The following RBMS3 variants were observed in gnomAD, a reference collection of about 807,000 sequenced individuals.
RBMS3 encodes RNA binding motif single stranded interacting protein 3, also known as RNA-binding motif, single-stranded-interacting protein 3.
A neutral mutation model predicts 66.8 loss-of-function variants in RBMS3; 27 were observed. The observed-to-expected ratio is 0.40, with a 90% confidence interval of 0.30 to 0.56. The LOEUF is 0.56. Ranked by LOEUF, RBMS3 falls within the 20% of genes least tolerant of loss-of-function variation. The pLI, the probability that RBMS3 is intolerant of heterozygous loss-of-function variation, is 0.40. For missense variants in RBMS3, 513 were observed against 549.5 expected (o/e 0.93, Z 0.66); for synonymous variants, 188 against 183.0 (o/e 1.03, Z -0.22).
chr3:29,744,585 C>T (rs1403828020), intron 5 of RBMS3, among the ~76,000 whole-genome samples: 1 of 152,100 alleles, frequency 6.6e-6, no homozygotes, highest in Non-Finnish European at 1.5e-5. Context: ...AGTTCGAGGC[C>T]AGCCTGGCCA....
intron 10 of RBMS3, among the ~76,000 whole-genome samples, chr3:29,930,102 T>C (rs1296469000): frequency 1.7e-5 from 1 of 58,528 alleles, no homozygotes; most frequent in Admixed American, 1.7e-4. Context: ...GTCACTTTTC[T>C]TTCTTTCTTT....
At chr3:29,412,761 C>A (rs542033098) in intron 1 of RBMS3, among the ~76,000 whole-genome samples, 5 of 152,234 alleles carry the variant, frequency 3.3e-5, no homozygotes, top group African/African-American at 9.6e-5. Flanking sequence ...ATGTTTATCA[C>A]CAGCAGGGAC....
At chr3:29,541,219 A>C (rs929513174) in intron 3 of RBMS3, among the ~76,000 whole-genome samples, 2 of 152,186 alleles carry the variant, frequency 1.3e-5, no homozygotes, top group East Asian at 3.9e-4. Flanking sequence ...TTCGGAGCTC[A>C]GACTTCTCCC....
chr3:29,674,144 G>A (rs2051131405), intron 4 of RBMS3, among the ~76,000 whole-genome samples: 1 of 152,022 alleles, frequency 6.6e-6, no homozygotes, highest in South Asian at 2.1e-4. Context: ...CAGAACCAAA[G>A]ACAAAAACCA....
intron 6 of RBMS3, among the ~76,000 whole-genome samples, chr3:29,825,131 C>T (rs1396297247): frequency 1.3e-5 from 2 of 151,434 alleles, no homozygotes; most frequent in East Asian, 3.9e-4. Context: ...TACCTCGCAG[C>T]TTCAAGCAAT....
At chr3:29,319,504 G>A (rs1045307885) in intron 1 of RBMS3, among the ~76,000 whole-genome samples, 10 of 151,944 alleles carry the variant, frequency 6.6e-5, no homozygotes, top group African/African-American at 2.4e-4. Context: ...CGTAAGGGAG[G>A]CATAAGCGAA....
At chr3:29,438,922 A>AT (rs1206886615) in intron 2 of RBMS3, among the ~76,000 whole-genome samples, 1 of 152,198 alleles carries the variant, frequency 6.6e-6, no homozygotes, top group Non-Finnish European at 1.5e-5. Context: ...ATACTAACAG[A>AT]TTTTTTAGCA....
At chr3:29,799,152 T>C (rs1054347600) in intron 6 of RBMS3, among the ~76,000 whole-genome samples, 1 of 152,162 alleles carries the variant, frequency 6.6e-6, no homozygotes, top group Non-Finnish European at 1.5e-5. Flanking sequence ...GTTGACCTAA[T>C]GCTAAACTAA....
intron 1 of RBMS3, among the ~76,000 whole-genome samples, chr3:29,417,314 A>T (rs896926448): frequency 6.6e-6 from 1 of 152,024 alleles, no homozygotes; most frequent in South Asian, 2.1e-4. Context: ...TTAAGGCACA[A>T]CAAGACCTGA....
chr3:29,629,606 A>G lies in RBMS3; in HGVS notation c.399+42401A>G, dbSNP rs7616208. 1.5e-3 allele frequency among the ~76,000 whole-genome samples: 232 copies of G among 152,238 alleles called. 1 individual carries two copies. Among genetic ancestry groups the G allele is most frequent in the African/African-American group, 4.9e-3 (202 of 41,572 alleles). On this transcript the variant is annotated intron_variant, in intron 4 of 14. Transcript: ENST00000383767. ...ATAGCATGGTTTTTAAATACAGTTT[A>G]TCTAACAGGGAACTCATCCATAGTT... is the stretch of plus-strand genomic sequence containing the variant.
intron 4 of RBMS3, among the ~76,000 whole-genome samples, chr3:29,663,102 T>A (rs1181102452): frequency 6.6e-6 from 1 of 152,170 alleles, no homozygotes; most frequent in African/African-American, 2.4e-5. Flanking sequence ...ACAATGTCAG[T>A]CATACAATGC....
chr3:29,390,697 G>C (rs532452282), intron 1 of RBMS3, among the ~76,000 whole-genome samples: 16 of 152,258 alleles, frequency 1.1e-4, no homozygotes, highest in African/African-American at 3.9e-4. Flanking sequence ...CTTTAAACTA[G>C]CATTTCCCAA....
intron 6 of RBMS3, among the ~76,000 whole-genome samples, chr3:29,791,647 A>G: frequency 6.6e-6 from 1 of 152,194 alleles, no homozygotes; most frequent in Non-Finnish European, 1.5e-5. Context: ...ACCGATCATT[A>G]AGTGACTAAA....
chr3:29,398,051 G>A (rs1448048463), intron 1 of RBMS3, among the ~76,000 whole-genome samples: 1 of 152,130 alleles, frequency 6.6e-6, no homozygotes, highest in Non-Finnish European at 1.5e-5. Flanking sequence ...GCTACTCTCA[G>A]TGCTGTTAGT....
intron 4 of RBMS3, among the ~76,000 whole-genome samples, chr3:29,688,318 C>T (rs1327952098): frequency 6.6e-6 from 1 of 151,982 alleles, no homozygotes; most frequent in Non-Finnish European, 1.5e-5. Context: ...AAATACTTAT[C>T]GCAAGTTGAA....
chr3:29,841,835 G>C (rs1030695191), intron 6 of RBMS3, among the ~76,000 whole-genome samples: 2 of 151,990 alleles, frequency 1.3e-5, no homozygotes, highest in Non-Finnish European at 2.9e-5. Context: ...ATTGTCCTGA[G>C]GCAAAATTTG....
At chr3:29,578,340 T>C (rs1159220367) in intron 3 of RBMS3, among the ~76,000 whole-genome samples, 1 of 152,190 alleles carries the variant, frequency 6.6e-6, no homozygotes, top group Non-Finnish European at 1.5e-5. Flanking sequence ...TTTGTTACTC[T>C]CGATTGTGCA....
chr3:29,843,615 A>G (rs1436355917), intron 6 of RBMS3, among the ~76,000 whole-genome samples: 1 of 152,172 alleles, frequency 6.6e-6, no homozygotes, highest in Admixed American at 6.5e-5. Flanking sequence ...TTGAAAATGA[A>G]CTGTATCTGC....
chr3:29,428,569 C>A lies in RBMS3; in HGVS notation c.76-6174C>A, dbSNP rs201432746. Among the ~76,000 whole-genome samples, 69 of 122,438 alleles carry A rather than the reference C, an allele frequency of 5.6e-4. No individual in the cohort carries two copies. The East Asian group carries it at 0.013, about 22-fold the overall frequency. 80.3% of individuals were successfully genotyped at this position (122,438 alleles called of 152,430 possible). ...ATTTATTGAATGTCCCAAATGCTTT[C>A]TGTTAAAAAAAAAAAAAAAGAAGAA... On this transcript the variant is annotated intron_variant, in intron 1 of 14. Transcript: ENST00000383767.
Sources: gnomAD v4.1 joint callset for allele counts (sites outside exome capture counted in the v4.1 genomes callset) on GRCh38, gnomAD v4.1.1 for gene constraint, MANE v1.5 for transcripts, NCBI Gene and HGNC (gene_info 2026-07-23, HGNC 2026-07-21) for gene names.